TGFA: variants seen among roughly 807,000 people sequenced by gnomAD.
TGFA encodes transforming growth factor alpha.
Under a neutral mutation model 21.7 loss-of-function variants are expected in TGFA, and 12 were observed. The observed-to-expected ratio is 0.55, with a 90% CI of 0.35 to 0.90. The LOEUF is 0.90. Ranked by LOEUF, TGFA falls within the 40% of genes least tolerant of loss-of-function variation. TGFA has a pLI of 0.01. For missense variants in TGFA, 178 were observed against 210.8 expected (o/e 0.84, Z 0.96); for synonymous variants, 79 against 88.1 (o/e 0.90, Z 0.58).
chr2:70,514,953 T>A, intron 1 of TGFA, 41 bp from the exon 2 acceptor site: 1 of 1,599,578 alleles, frequency 6.3e-7, no homozygotes, highest in Non-Finnish European at 8.6e-7. Flanking sequence ...CAGAGTCTGC[T>A]TGGCAAATGA....
At chr2:70,472,582 G>A (rs1005050982) in intron 2 of TGFA, among the ~76,000 whole-genome samples, 4 of 152,228 alleles carry the variant, frequency 2.6e-5, no homozygotes, top group Middle Eastern at 3.4e-3. Context: ...TCACAGGAGG[G>A]GTCTCCGTAG....
intron 1 of TGFA, chr2:70,553,375 G>T: frequency 6.9e-7 from 1 of 1,458,194 alleles, no homozygotes; most frequent in Non-Finnish European, 9.0e-7. Context: ...CGGCTGAGCC[G>T]GGCTTGGAGG....
At chr2:70,544,766 G>A (rs1306108447) in intron 1 of TGFA, among the ~76,000 whole-genome samples, 2 of 152,054 alleles carry the variant, frequency 1.3e-5, no homozygotes, top group Non-Finnish European at 2.9e-5. Context: ...AATAAACCAG[G>A]CACAGAAAGA....
At chr2:70,482,798 T>C (rs989624827) in intron 2 of TGFA, among the ~76,000 whole-genome samples, 2 of 152,180 alleles carry the variant, frequency 1.3e-5, no homozygotes, top group African/African-American at 4.8e-5. Flanking sequence ...CTAAATCTGA[T>C]AAACTTTTCC....
In TGFA at chr2:70,504,471, TACATACATACATACACAC is replaced by T. The variant is rs1559124123; in HGVS notation, c.94+10370_94+10387del. On this transcript the variant is annotated intron_variant, in intron 2 of 5. Coordinates refer to ENST00000295400, the MANE Select transcript of TGFA (RefSeq NM_003236.4). ...ATATATATATATATATATACACACA[TACATACATACATACACAC>T]ACACACACACACACACACACACACA... is the stretch of plus-strand genomic sequence containing the variant. Among the ~76,000 whole-genome samples, 7 of 87,178 alleles carry T rather than the reference TACATACATACATACACAC, an allele frequency of 8.0e-5. No homozygotes were observed. The South Asian group carries it at 1.4e-3, about 18-fold the overall frequency. 57.2% of individuals were successfully genotyped at this position (87,178 alleles called of 152,430 possible).
rs552690852 is a variant in TGFA, at chr2:70,527,896, T to C, written c.41-12984A>G. 1.1e-4 allele frequency among the ~76,000 whole-genome samples: 17 copies of C among 152,366 alleles called. No homozygotes were observed. In the South Asian group the frequency reaches 3.5e-3, roughly 32 times the overall value. On this transcript the variant is annotated intron_variant, in intron 1 of 5. Coordinates refer to ENST00000295400, the MANE Select transcript of TGFA (RefSeq NM_003236.4). ...TTCCCTAGGTTCAAGTACAACGTCC[T>C]TCTCCTAAGGAAGCCATGGCAGGGG...
intron 1 of TGFA, among the ~76,000 whole-genome samples, chr2:70,536,925 A>G (rs1230177986): frequency 6.6e-6 from 1 of 151,724 alleles, no homozygotes; most frequent in Non-Finnish European, 1.5e-5. Context: ...ATTTCATTTG[A>G]TAGAACTTTG....
chr2:70,516,584 C>T (rs1553501623), intron 1 of TGFA, among the ~76,000 whole-genome samples: 2 of 152,150 alleles, frequency 1.3e-5, no homozygotes, highest in African/African-American at 4.8e-5. Flanking sequence ...CATGTCTTCC[C>T]TGTGCAATTC....
chr2:70,513,136 A>G (rs1553501165), intron 2 of TGFA, among the ~76,000 whole-genome samples: 1 of 152,186 alleles, frequency 6.6e-6, no homozygotes, highest in Non-Finnish European at 1.5e-5. Context: ...AGTGACAAGT[A>G]TCAAAATGAG....
At chr2:70,533,671 T>G (rs1672886697) in intron 1 of TGFA, among the ~76,000 whole-genome samples, 1 of 152,218 alleles carries the variant, frequency 6.6e-6, no homozygotes, top group African/African-American at 2.4e-5. Flanking sequence ...TGTTAACTGT[T>G]AACAAATTAA....
At chr2:70,491,255 GATGGGGTTGGA>G (rs1186384007) in intron 2 of TGFA, among the ~76,000 whole-genome samples, 1 of 152,226 alleles carries the variant, frequency 6.6e-6, no homozygotes, top group Non-Finnish European at 1.5e-5. Context: ...TAGTATCAGG[GATGGGGTTGGA>G]ATGGGGTCTC....
chr2:70,550,953 C>A (rs1256861649), intron 1 of TGFA, among the ~76,000 whole-genome samples: 2 of 152,110 alleles, frequency 1.3e-5, no homozygotes, highest in African/African-American at 2.4e-5. Flanking sequence ...TGATATTTTT[C>A]GAAGGAATGG....
chr2:70,542,777 G>T (rs1463447532), intron 1 of TGFA, among the ~76,000 whole-genome samples: 3 of 152,124 alleles, frequency 2.0e-5, no homozygotes, highest in African/African-American at 4.8e-5. Flanking sequence ...GACAAACTAA[G>T]GTTATTTACC....
intron 2 of TGFA, among the ~76,000 whole-genome samples, chr2:70,497,490 C>G (rs1245460539): frequency 7.9e-5 from 12 of 152,202 alleles, no homozygotes; most frequent in Admixed American, 7.9e-4. Context: ...ACTTTCTTCA[C>G]CTACTATATG....
intron 2 of TGFA, among the ~76,000 whole-genome samples, chr2:70,480,200 C>A (rs1263182733): frequency 6.6e-6 from 1 of 152,232 alleles, no homozygotes; most frequent in Non-Finnish European, 1.5e-5. Flanking sequence ...GACATTCATG[C>A]CATGCCAGTA....
intron 5 of TGFA, chr2:70,451,773 G>T (rs1553489640): frequency 1.4e-6 from 1 of 701,878 alleles, no homozygotes; most frequent in East Asian, 2.7e-5. Context: ...GAAAGGAGAT[G>T]TTGAGAGGGG....
chr2:70,540,899 C>T (rs571008101), intron 1 of TGFA, among the ~76,000 whole-genome samples: 1 of 152,302 alleles, frequency 6.6e-6, no homozygotes, highest in South Asian at 2.1e-4. Flanking sequence ...CATGAAGCAG[C>T]ATTCAATCTT....
At chr2:70,471,002 C>T (rs782633466) in intron 2 of TGFA, among the ~76,000 whole-genome samples, 2 of 151,852 alleles carry the variant, frequency 1.3e-5, no homozygotes, top group Non-Finnish European at 2.9e-5. Flanking sequence ...GAGAATAAAA[C>T]CCATCTGTAA....
At chr2:70,462,485 T>G (rs1436216709) in intron 3 of TGFA, among the ~76,000 whole-genome samples, 1 of 152,100 alleles carries the variant, frequency 6.6e-6, no homozygotes, top group Non-Finnish European at 1.5e-5. Context: ...CATGTTGCTG[T>G]CGGGAATTTT....
Sources: allele counts gnomAD v4.1 joint callset (sites outside exome capture counted in the v4.1 genomes callset), GRCh38; gene constraint gnomAD v4.1.1; transcripts MANE v1.5; gene names NCBI Gene and HGNC (gene_info 2026-07-23, HGNC 2026-07-21).